ZAP70: variants seen among roughly 807,000 people sequenced by gnomAD.
ZAP70 encodes the protein tyrosine-protein kinase ZAP-70.
ZAP70 carries 27 observed loss-of-function variants against 65.8 expected under a neutral mutation model. The ratio of observed to expected loss-of-function variants is 0.41; its 90% CI spans 0.30 to 0.57. The LOEUF is 0.57. Among genes scored for constraint, ZAP70 ranks in the 20% least tolerant of loss-of-function variants. The probability of loss-of-function intolerance (pLI) is 0.28; values close to 1 mark genes in which losing one functional copy is unlikely to be tolerated. For synonymous variants in ZAP70, 363 were observed against 360.8 expected (o/e 1.01, Z -0.07); for missense variants, 696 against 870.5 (o/e 0.80, Z 2.52).
intron 4 of ZAP70, among the ~76,000 whole-genome samples, chr2:97,726,673 A>G (rs1677400918): frequency 6.6e-6 from 1 of 152,244 alleles, no homozygotes; most frequent in South Asian, 2.1e-4. Context: ...TTGTGGGCTG[A>G]TAAAATAACT....
the ZAP70 span, among the ~76,000 whole-genome samples, chr2:97,747,814 G>GTTTTTT: frequency 2.1e-5 from 2 of 97,066 alleles, no homozygotes; most frequent in South Asian, 6.6e-4. Context: ...ACTGGCACGA[G>GTTTTTT]GTTTTTTTTT....
At chr2:97,746,032 G>A in the ZAP70 span, among the ~76,000 whole-genome samples, 1 of 152,316 alleles carries the variant, frequency 6.6e-6, no homozygotes, top group African/African-American at 2.4e-5. Flanking sequence ...CAGCATGGAG[G>A]AAACTTGAAA....
rs1223566167 is a variant in ZAP70 at position 97,733,117 on chromosome 2, C to T, written c.703-8C>T. The T allele has an allele frequency of 1.9e-6, 3 of 1,614,020 alleles. No homozygotes were observed. Among genetic ancestry groups the T allele is most frequent in the Non-Finnish European group, 1.7e-6 (2 of 1,180,016 alleles). ...GGAGCCTCTCTGCTAGCTGCCTGCTCCCTGCAGCTGGTGGAGTATCTGAAG... is the reference window on the plus strand; with the variant it reads ...GGAGCCTCTCTGCTAGCTGCCTGCTTCCTGCAGCTGGTGGAGTATCTGAAG... On this transcript the variant is annotated splice_region_variant and splice_polypyrimidine_tract_variant and intron_variant, in intron 5 of 13. Coordinates refer to ENST00000264972, the MANE Select transcript of ZAP70 (RefSeq NM_001079.4).
chr2:97,734,838 G>A (rs1677786054), intron 9 of ZAP70, 126 bp downstream of exon 9: 1 of 1,335,504 alleles, frequency 7.5e-7, no homozygotes, highest in East Asian at 2.4e-5. Context: ...CAGACTCTGG[G>A]GCAGGACGTT....
intron 13 of ZAP70, 125 bp from the exon 14 acceptor site, chr2:97,739,250 A>AGT (rs1678041453): frequency 1.4e-6 from 2 of 1,466,886 alleles, no homozygotes; most frequent in African/African-American, 2.8e-5. Flanking sequence ...CGCCACCCCA[A>AGT]CAGCCCTGCT....
intron 10 of ZAP70, among the ~76,000 whole-genome samples, chr2:97,735,725 C>T (rs1559328312): frequency 6.6e-6 from 1 of 152,204 alleles, no homozygotes; most frequent in East Asian, 1.9e-4. Context: ...ATAAAGGGCA[C>T]TGCTAGGGCC....
intron 2 of ZAP70, among the ~76,000 whole-genome samples, chr2:97,719,032 G>T (rs907643033): frequency 6.6e-6 from 1 of 152,264 alleles, no homozygotes; most frequent in Non-Finnish European, 1.5e-5. Context: ...GGGGCAGAGG[G>T]CTGGGGAGAT....
intron 2 of ZAP70, among the ~76,000 whole-genome samples, chr2:97,719,807 A>G (rs1300490992): frequency 6.6e-6 from 1 of 152,100 alleles, no homozygotes; most frequent in Non-Finnish European, 1.5e-5. Context: ...CTACCACCAC[A>G]TCAATCAAGA....
At chr2:97,749,508 G>C in the ZAP70 span, among the ~76,000 whole-genome samples, 2 of 152,324 alleles carry the variant, frequency 1.3e-5, no homozygotes, top group South Asian at 4.1e-4. Context: ...ACTGTCAGGG[G>C]TCAGGTCTGT....
downstream of ZAP70, among the ~76,000 whole-genome samples, chr2:97,740,081 C>T (rs1340344282): frequency 1.3e-5 from 2 of 152,038 alleles, no homozygotes; most frequent in Non-Finnish European, 2.9e-5. Flanking sequence ...GGCCCAAGGG[C>T]TGCGTGCCTG....
downstream of ZAP70, among the ~76,000 whole-genome samples, chr2:97,740,038 G>A (rs1678083913): frequency 6.6e-6 from 1 of 152,142 alleles, no homozygotes; most frequent in African/African-American, 2.4e-5. Context: ...AGCGGCTGGG[G>A]TGGAGTGGGG....
rs1193180329 is a variant in ZAP70 at position 97,737,025 on chromosome 2, A to G, written c.1290-448A>G. 6.6e-6 allele frequency among the ~76,000 whole-genome samples: 1 copy of G among 151,970 alleles called. No homozygotes were observed. Among genetic ancestry groups the G allele is most frequent in the Admixed American group, 6.6e-5 (1 of 15,256 alleles). On this transcript the variant is annotated intron_variant, in intron 10 of 13. Coordinates refer to ENST00000264972, the MANE Select transcript of ZAP70 (RefSeq NM_001079.4). This position sits in a 1 kb window ranked among gnomAD's most constrained non-coding sequence, Gnocchi z 5.0. ...CTTCCCGGTGGCAGAGGCAGAGATG[A>G]GGAGTGCGGTGGATTCTGGAGAGAT... is the stretch of plus-strand genomic sequence containing the variant.
At chr2:97,753,752 G>A in the ZAP70 span, among the ~76,000 whole-genome samples, 3 of 152,126 alleles carry the variant, frequency 2.0e-5, no homozygotes, top group Non-Finnish European at 4.4e-5. Context: ...CAGGAGGATC[G>A]CTTGCGCTCA....
intron 2 of ZAP70, among the ~76,000 whole-genome samples, chr2:97,720,026 T>C (rs1177908738): frequency 6.6e-6 from 1 of 152,184 alleles, no homozygotes; most frequent in Non-Finnish European, 1.5e-5. Context: ...GCTGTTCCAC[T>C]TACCGCGGAG....
In ZAP70 at chr2:97,721,873, G is replaced by C. The variant is rs562396327; in HGVS notation, c.-21-2143G>C. On this transcript the variant is annotated intron_variant, in intron 2 of 13. Transcript: ENST00000264972. ...GCGATCTCAGCTCACTGCAACCTCCGCCTCCCAGGTTCAAGCAATTCTGCT... is the reference window on the plus strand; with the variant it reads ...GCGATCTCAGCTCACTGCAACCTCCCCCTCCCAGGTTCAAGCAATTCTGCT... Among the ~76,000 whole-genome samples the C allele has an allele frequency of 5.3e-4, 79 of 148,792 alleles. 1 individual carries two copies. The highest frequency in any genetic ancestry group is 1.9e-3 in the African/African-American group (75 of 40,194).
chr2:97,713,592 G>C lies in ZAP70; in HGVS notation c.-183G>C, dbSNP rs1231352834. 2 of 152,298 alleles carry C rather than the reference G, an allele frequency of 1.3e-5. No individual in the cohort carries two copies. Among genetic ancestry groups the C allele is most frequent in the South Asian group, 4.1e-4 (2 of 4,834 alleles). 9.4% of individuals were successfully genotyped at this position (152,298 alleles called of 1,614,324 possible). ...AAATAGGTTAGTTTCAGACAAGCCT[G>C]CTTGCCGGAGCTCAGCAGACACCAG... On this transcript the variant is annotated 5_prime_UTR_variant, in exon 1 of 14. Transcript: ENST00000264972.
chr2:97,751,938 C>G, the ZAP70 span, among the ~76,000 whole-genome samples: 1 of 152,318 alleles, frequency 6.6e-6, no homozygotes, highest in Middle Eastern at 3.4e-3. Context: ...CTCCACCAAG[C>G]CCCACCTTCC....
At chr2:97,734,742 C>T (rs201620644) in intron 9 of ZAP70, 30 bp downstream of exon 9, 25 of 1,611,086 alleles carry the variant, frequency 1.6e-5, no homozygotes, top group East Asian at 2.2e-5. Context: ...GGTGGGAGCA[C>T]CGCCGCCTGG....
chr2:97,725,379 G>A (rs1677347354), intron 4 of ZAP70, 127 bp downstream of exon 4: 7 of 1,207,428 alleles, frequency 5.8e-6, no homozygotes, highest in Non-Finnish European at 7.1e-6. Flanking sequence ...TGTGCAAGTG[G>A]GTTGTGTGTT....
Sources: allele counts gnomAD v4.1 joint callset (sites outside exome capture counted in the v4.1 genomes callset), GRCh38; gene constraint gnomAD v4.1.1; non-coding constraint Gnocchi (gnomAD v3.1); transcripts MANE v1.5; gene names NCBI Gene and HGNC (gene_info 2026-07-23, HGNC 2026-07-21).